ARMC2: variants seen among roughly 807,000 people sequenced by gnomAD.
ARMC2 encodes the protein armadillo repeat containing 2.
A neutral mutation model predicts 90.3 loss-of-function variants in ARMC2; 67 were observed. The ratio of observed to expected loss-of-function variants is 0.74; its 90% CI spans 0.61 to 0.91. The LOEUF (loss-of-function observed/expected upper bound fraction) is 0.91, where lower values mean the gene tolerates loss of function less well. ARMC2 is among the 40% of genes least tolerant of loss of function. ARMC2 has a pLI of 0.00. For missense variants in ARMC2, 920 were observed against 1,030.9 expected, an observed-to-expected ratio of 0.89 and a Z score of 1.47; for synonymous variants, 393 against 393.0, an observed-to-expected ratio of 1.00 and a Z score of 0.00.
chr6:108,946,913 T>C (rs1327461435), intron 12 of ARMC2, among the ~76,000 whole-genome samples: 1 of 152,184 alleles, frequency 6.6e-6, no homozygotes, highest in Admixed American at 6.5e-5. Context: ...GAGGAATGTG[T>C]TCACTGTGGC....
Position 108,899,823 on chromosome 6 carries a change from T to C in ARMC2, c.847+31T>C, listed in dbSNP as rs372769204. ...ACACAAACAAACAAACAAAAAACCG[T>C]TTTTGTTTTTTTTTTAAAAAATACC... is the stretch of plus-strand genomic sequence containing the variant. On this transcript the variant is annotated intron_variant, in intron 7 of 17. Transcript: ENST00000392644. 7.5e-5 allele frequency: 114 copies of C among 1,529,126 alleles called. No individual in the cohort carries two copies. In the African/African-American group the frequency reaches 1.5e-3, roughly 21 times the overall value. 94.7% of individuals were successfully genotyped at this position (1,529,126 alleles called of 1,614,324 possible).
At chr6:108,962,490 A>G (rs1425811228) in intron 15 of ARMC2, among the ~76,000 whole-genome samples, 2 of 152,234 alleles carry the variant, frequency 1.3e-5, no homozygotes, top group East Asian at 1.9e-4. Context: ...ATGTTCCTCA[A>G]CAGAGAAGAG....
At chr6:109,047,384 G>A in the ARMC2 span, among the ~76,000 whole-genome samples, 1 of 138,702 alleles carries the variant, frequency 7.2e-6, no homozygotes, top group African/African-American at 2.6e-5. Flanking sequence ...CCCCGTCCGG[G>A]AGGTGAGGGG....
At chr6:108,936,057 T>C (rs1775930958) in intron 11 of ARMC2, among the ~76,000 whole-genome samples, 1 of 152,116 alleles carries the variant, frequency 6.6e-6, no homozygotes, top group Non-Finnish European at 1.5e-5. Context: ...ATCTCCTGAT[T>C]TGTTGTGGGT....
rs1219548548 is a variant in ARMC2 at position 108,964,267 on chromosome 6, A to G, written c.2240A>G (p.Asp747Gly). The change falls in exon 16 of 18, where the codon GAT (aspartate) becomes GGT (glycine). Residue 747 changes from aspartate (D) to glycine (G), a missense_variant. Coordinates refer to ENST00000392644, the MANE Select transcript of ARMC2 (RefSeq NM_032131.6). Reference protein sequence around the residue: ...ACGVLLNLTVDKDKRVILKEG... With the variant: ...ACGVLLNLTVGKDKRVILKEG... The stretch of plus-strand genomic sequence containing the variant: ...GGTGTTCTCCTCAATCTCACTGTGG[A>G]TAAAGACAAGCGTGTCATCTTGAAA... The G allele has an allele frequency of 6.2e-7, 1 of 1,613,878 alleles. No homozygotes were observed. Among genetic ancestry groups the G allele is most frequent in the Non-Finnish European group, 8.5e-7 (1 of 1,179,890 alleles).
intron 10 of ARMC2, among the ~76,000 whole-genome samples, chr6:108,925,716 T>G (rs1775044800): frequency 1.3e-5 from 2 of 152,182 alleles, no homozygotes; most frequent in Non-Finnish European, 2.9e-5. Context: ...AGGTTGATGG[T>G]GTCATCTATT....
At chr6:109,046,505 C>G in the ARMC2 span, among the ~76,000 whole-genome samples, 1 of 147,726 alleles carries the variant, frequency 6.8e-6, no homozygotes, top group African/African-American at 2.5e-5. Context: ...CGGCCGCCAC[C>G]CCGTCTGGGA....
At chr6:108,889,388 C>T (rs942743791) in intron 5 of ARMC2, among the ~76,000 whole-genome samples, 17 of 151,806 alleles carry the variant, frequency 1.1e-4, no homozygotes, top group African/African-American at 2.4e-4. Flanking sequence ...TCAGGCGATC[C>T]GCCTGCCTCG....
intron 2 of ARMC2, among the ~76,000 whole-genome samples, chr6:108,855,893 T>G (rs1044686627): frequency 6.6e-6 from 1 of 152,218 alleles, no homozygotes; most frequent in African/African-American, 2.4e-5. Context: ...TGGCCCATTT[T>G]TTAAATGGGT....
intron 17 of ARMC2, among the ~76,000 whole-genome samples, chr6:108,968,769 A>G (rs889015555): frequency 2.0e-5 from 3 of 152,190 alleles, no homozygotes; most frequent in African/African-American, 7.2e-5. Context: ...AAGTATGAAC[A>G]CTGTTTTTGC....
the ARMC2 span, among the ~76,000 whole-genome samples, chr6:109,046,448 A>T: frequency 6.7e-6 from 1 of 149,308 alleles, no homozygotes; most frequent in Non-Finnish European, 1.5e-5. Context: ...TACACCTCCC[A>T]GCCGCCTGCC....
the ARMC2 span, chr6:109,009,254 G>A: frequency 9.3e-6 from 10 of 1,071,616 alleles, no homozygotes; most frequent in Non-Finnish European, 1.2e-5. Flanking sequence ...CTGACCGGGA[G>A]CGACTGTGAG....
intron 12 of ARMC2, among the ~76,000 whole-genome samples, chr6:108,948,588 C>T (rs376856971): frequency 5.4e-4 from 81 of 150,416 alleles, no homozygotes; most frequent in African/African-American, 1.2e-3. Flanking sequence ...GTTGGCACCG[C>T]GGCTGCCAGG....
At chr6:108,927,188 A>G (rs1381851879) in intron 10 of ARMC2, among the ~76,000 whole-genome samples, 1 of 152,164 alleles carries the variant, frequency 6.6e-6, no homozygotes, top group Non-Finnish European at 1.5e-5. Flanking sequence ...TGCTTTTCAC[A>G]GATGAGGAAA....
chr6:109,036,196 G>GT, the ARMC2 span, among the ~76,000 whole-genome samples: 1 of 152,096 alleles, frequency 6.6e-6, no homozygotes, highest in Non-Finnish European at 1.5e-5. Flanking sequence ...TTAAAATTTA[G>GT]TTTTTTTCAT....
chr6:108,891,967 T>C (rs891775600), intron 5 of ARMC2, among the ~76,000 whole-genome samples: 2 of 152,216 alleles, frequency 1.3e-5, no homozygotes, highest in African/African-American at 4.8e-5. Flanking sequence ...GCTAAGCATT[T>C]GCATATAAGA....
the ARMC2 span, chr6:108,987,467 C>T: frequency 1.4e-6 from 1 of 724,028 alleles, no homozygotes; most frequent in African/African-American, 1.8e-5. Flanking sequence ...TACCATTGGT[C>T]CTGGGGCTTA....
At chr6:108,943,668 A>G (rs1004330713) in intron 12 of ARMC2, among the ~76,000 whole-genome samples, 2 of 151,960 alleles carry the variant, frequency 1.3e-5, no homozygotes, top group Non-Finnish European at 2.9e-5. Context: ...CAACAATTAA[A>G]AAAAAACCCA....
intron 17 of ARMC2, among the ~76,000 whole-genome samples, chr6:108,971,328 G>A (rs1778751403): frequency 1.3e-5 from 2 of 152,140 alleles, no homozygotes; most frequent in Admixed American, 1.3e-4. Context: ...TCCCCTCAGG[G>A]CCCAGTTATC....
Sources: allele counts gnomAD v4.1 joint callset (sites outside exome capture counted in the v4.1 genomes callset), GRCh38; gene constraint gnomAD v4.1.1; transcripts MANE v1.5; gene names NCBI Gene and HGNC (gene_info 2026-07-23, HGNC 2026-07-21).